The following SLC9A9 variants were observed in gnomAD, a reference collection of about 807,000 sequenced individuals.
The protein encoded by SLC9A9 is sodium/hydrogen exchanger 9.
In SLC9A9, 62 loss-of-function variants were observed where a neutral mutation model predicts 77.8. The ratio of observed to expected loss-of-function variants is 0.80; its 90% confidence interval spans 0.65 to 0.98. The LOEUF (loss-of-function observed/expected upper bound fraction) is 0.98, where lower values mean the gene tolerates loss of function less well. SLC9A9 is among the 50% of genes least tolerant of loss of function. The pLI, the probability that SLC9A9 is intolerant of heterozygous loss-of-function variation, is 0.00. For synonymous variants in SLC9A9, 320 were observed against 283.5 expected (o/e 1.13, Z -1.29); for missense variants, 775 against 774.9 (o/e 1.00, Z 0.00).
intron 13 of SLC9A9, chr3:143,371,879 C>T (rs1271764634): frequency 9.3e-6 from 2 of 215,856 alleles, no homozygotes; most frequent in Non-Finnish European, 1.9e-5. Context: ...TCTCAGGTTA[C>T]AAAATCAATG....
chr3:143,554,412 G>A (rs560772575), intron 8 of SLC9A9, among the ~76,000 whole-genome samples: 30 of 152,110 alleles, frequency 2.0e-4, no homozygotes, highest in Non-Finnish European at 3.7e-4. Context: ...CACCCTAAGT[G>A]CACCTCTCAC....
chr3:143,715,492 CT>C (rs573634637), intron 4 of SLC9A9, among the ~76,000 whole-genome samples: 1 of 152,192 alleles, frequency 6.6e-6, no homozygotes, highest in Non-Finnish European at 1.5e-5. Context: ...TTATTAAAAG[CT>C]TTTATAATGC....
chr3:143,713,720 A>C (rs1323589734), intron 4 of SLC9A9, among the ~76,000 whole-genome samples: 1 of 152,196 alleles, frequency 6.6e-6, no homozygotes, highest in Non-Finnish European at 1.5e-5. Flanking sequence ...AGTAGGACAA[A>C]ATAAACAAAC....
chr3:143,725,264 A>C (rs1036191724), intron 4 of SLC9A9, among the ~76,000 whole-genome samples: 7 of 152,152 alleles, frequency 4.6e-5, no homozygotes, highest in South Asian at 2.1e-4. Context: ...GTGGAGAAAT[A>C]GGAACACTTT....
chr3:143,510,359 TTTA>T (rs1437795684), intron 9 of SLC9A9, among the ~76,000 whole-genome samples: 2 of 152,174 alleles, frequency 1.3e-5, no homozygotes, highest in African/African-American at 2.4e-5. Flanking sequence ...AAACATTGTC[TTTA>T]TTAAAAGATT....
chr3:143,641,816 T>C lies in SLC9A9; in HGVS notation c.755+10439A>G, dbSNP rs531600551. Among the ~76,000 whole-genome samples, 6 of 152,340 alleles carry C rather than the reference T, an allele frequency of 3.9e-5. No individual in the cohort carries two copies. The South Asian group carries it at 1.2e-3, about 32-fold the overall frequency. ...GTCTCCACTTTTCCCCCACTTTCTC[T>C]ATACACATTATTTCTCCCTCTATGA... On this transcript the variant is annotated intron_variant, in intron 6 of 15. Transcript: ENST00000316549.
At chr3:143,536,098 C>T (rs572972157) in intron 9 of SLC9A9, among the ~76,000 whole-genome samples, 58 of 152,290 alleles carry the variant, frequency 3.8e-4, no homozygotes, top group African/African-American at 1.3e-3. Flanking sequence ...CCTATAGATT[C>T]TATACCTAGT....
chr3:143,837,503 A>C (rs1429716999), intron 1 of SLC9A9, among the ~76,000 whole-genome samples: 2 of 152,202 alleles, frequency 1.3e-5, no homozygotes, highest in Non-Finnish European at 2.9e-5. Context: ...ATTCTCTAAA[A>C]TAAGAAGATA....
At chr3:143,515,441 C>T (rs965830329) in intron 9 of SLC9A9, among the ~76,000 whole-genome samples, 6 of 152,138 alleles carry the variant, frequency 3.9e-5, no homozygotes. Context: ...CTGTAAAGCA[C>T]AATAAAGAGA....
intron 2 of SLC9A9, among the ~76,000 whole-genome samples, chr3:143,817,360 G>A (rs907813800): frequency 6.6e-6 from 1 of 151,154 alleles, no homozygotes; most frequent in African/African-American, 2.4e-5. Flanking sequence ...TTGTTAGCCA[G>A]GATGGTCTCG....
chr3:143,842,755 C>A (rs2009739725), intron 1 of SLC9A9, among the ~76,000 whole-genome samples: 1 of 152,212 alleles, frequency 6.6e-6, no homozygotes, highest in Non-Finnish European at 1.5e-5. Context: ...CTTGCAAAAT[C>A]AGAGCAGAAG....
chr3:143,431,833 C>T (rs1041048685), intron 12 of SLC9A9, among the ~76,000 whole-genome samples: 13 of 152,130 alleles, frequency 8.5e-5, no homozygotes, highest in African/African-American at 3.1e-4. Context: ...CCTACATGCT[C>T]ACCCTTCAGC....
chr3:143,702,494 C>T (rs1933832095), intron 4 of SLC9A9, among the ~76,000 whole-genome samples: 1 of 151,928 alleles, frequency 6.6e-6, no homozygotes, highest in African/African-American at 2.4e-5. Context: ...GTGTTGTTAT[C>T]AGCTTAAAAT....
At chr3:143,743,288 T>TAGATAGAC (rs1560059201) in intron 4 of SLC9A9, among the ~76,000 whole-genome samples, 9 of 119,636 alleles carry the variant, frequency 7.5e-5, no homozygotes, top group East Asian at 2.1e-4. Context: ...GATAGATAGA[T>TAGATAGAC]AGACAGACAG....
intron 6 of SLC9A9, among the ~76,000 whole-genome samples, chr3:143,625,854 C>G (rs1172309177): frequency 9.2e-5 from 14 of 151,920 alleles, no homozygotes; most frequent in African/African-American, 3.1e-4. Flanking sequence ...GAAAATTTTT[C>G]CAATCTACTC....
chr3:143,326,108 A>G (rs2031595477), intron 14 of SLC9A9, among the ~76,000 whole-genome samples: 1 of 152,216 alleles, frequency 6.6e-6, no homozygotes, highest in Admixed American at 6.5e-5. Context: ...GAAAAAGTAT[A>G]AAAATCTTGG....
chr3:143,819,603 C>T (rs1253506340), intron 2 of SLC9A9, among the ~76,000 whole-genome samples: 1 of 151,934 alleles, frequency 6.6e-6, no homozygotes, highest in African/African-American at 2.4e-5. Context: ...GACAATGCAA[C>T]AGGAGAAGCC....
chr3:143,414,176 A>G (rs558643292), intron 12 of SLC9A9, among the ~76,000 whole-genome samples: 57 of 152,278 alleles, frequency 3.7e-4, no homozygotes, highest in African/African-American at 1.3e-3. Context: ...GTGTGTAGGT[A>G]TACCTGCATT....
At chr3:143,813,355 G>C (rs1480425182) in intron 2 of SLC9A9, among the ~76,000 whole-genome samples, 2 of 152,032 alleles carry the variant, frequency 1.3e-5, no homozygotes, top group African/African-American at 2.4e-5. Flanking sequence ...CACCAGCCGG[G>C]GAGTACTGGA....
Sources: gnomAD v4.1 joint callset for allele counts (sites outside exome capture counted in the v4.1 genomes callset) on GRCh38, gnomAD v4.1.1 for gene constraint, MANE v1.5 for transcripts, NCBI Gene and HGNC (gene_info 2026-07-23, HGNC 2026-07-21) for gene names.